TBRG4: variants seen among roughly 807,000 people sequenced by gnomAD.
The protein encoded by TBRG4 is FAST kinase domain-containing protein 4.
TBRG4 carries 43 observed loss-of-function variants against 65.6 expected under a neutral mutation model. The observed-to-expected ratio is 0.66, with a 90% CI of 0.51 to 0.85. TBRG4 has a LOEUF of 0.85. Among genes scored for constraint, TBRG4 ranks in the 40% least tolerant of loss-of-function variants. TBRG4 has a pLI of 0.00. For synonymous variants in TBRG4, 366 were observed against 341.4 expected (o/e 1.07, Z -0.79); for missense variants, 709 against 787.9 (o/e 0.90, Z 1.20).
chr7:45,109,091 G>A lies in TBRG4; in HGVS notation c.147C>T (p.His49=), dbSNP rs1265955690. The change falls in exon 2 of 11, where the codon CAC becomes CAT. Residue 49 remains histidine, a synonymous_variant. Coordinates refer to ENST00000258770, the MANE Select transcript of TBRG4 (RefSeq NM_004749.4). ...LTSSATSPIS[H]LPGSLMEPVE... ...CCGGCTCCATCAAGGAACCTGGGAG[G>A]TGGGAAATGGGTGAGGTGGCTGAGG... is the stretch of plus-strand genomic sequence containing the variant. 1.9e-6 allele frequency: 3 copies of A among 1,614,168 alleles called. No homozygotes were observed. The highest frequency in any genetic ancestry group is 2.5e-6 in the Non-Finnish European group (3 of 1,180,012).
Position 45,100,215 on chromosome 7 carries a change from C to A in TBRG4, c.*110G>T. On this transcript the variant is annotated 3_prime_UTR_variant, in exon 11 of 11. Coordinates refer to ENST00000258770, the MANE Select transcript of TBRG4 (RefSeq NM_004749.4). Reference sequence around the variant, plus strand: ...CCTCAGAGTGGCTGGCCACCCTCCCCACTCTGGCCAAGGTCCTGCACAGAG... The same window carrying A: ...CCTCAGAGTGGCTGGCCACCCTCCCAACTCTGGCCAAGGTCCTGCACAGAG... 1.2e-6 allele frequency: 1 copy of A among 815,574 alleles called. No homozygotes were observed. The highest frequency in any genetic ancestry group is 1.8e-5 in the South Asian group (1 of 56,544). 50.5% of individuals were successfully genotyped at this position (815,574 alleles called of 1,614,324 possible). A position where few individuals can be genotyped will look rare whatever the true frequency, so the allele number is the denominator to read the frequency against.
At position 45,105,575 on chromosome 7, in the gene TBRG4, G is replaced by C. The variant is rs1322538449; in HGVS notation, c.601C>G (p.Gln201Glu). ...CATLSQEQHS[Q>E]ELLAELLTHL... ...GTGAGCAGCTCAGCCAGCAGCTCCT[G>C]CGAGTGCTGCTCCTGTGAGAGGGTG... Residue 201 changes from glutamine to glutamate, a missense_variant, in exon 3 of 11, where the codon CAG becomes GAG. Gln to Glu is a conservative substitution (Grantham distance 29, BLOSUM62 2). Coordinates refer to ENST00000258770, the MANE Select transcript of TBRG4 (RefSeq NM_004749.4). 1 of 1,614,190 alleles carries C rather than the reference G, an allele frequency of 6.2e-7. No homozygotes were observed. The highest frequency in any genetic ancestry group is 2.2e-5 in the East Asian group (1 of 44,886).
rs775272954 is a variant in TBRG4 at position 45,105,605 on chromosome 7, A to G, written c.571T>C (p.Cys191Arg). Reference sequence around the variant, plus strand: ...TGCTGCTCCTGTGAGAGGGTGGCACAGGACTCTGCCAGGAAGGCCAGGTGC... The same window carrying G: ...TGCTGCTCCTGTGAGAGGGTGGCACGGGACTCTGCCAGGAAGGCCAGGTGC... ...YKHLAFLAES[C>R]ATLSQEQHSQ... Residue 191 changes from cysteine (C) to arginine (R), a missense_variant, in exon 3 of 11, where the codon TGT becomes CGT. Coordinates refer to ENST00000258770, the MANE Select transcript of TBRG4 (RefSeq NM_004749.4). 30 of 1,614,050 alleles carry G rather than the reference A, an allele frequency of 1.9e-5. No homozygotes were observed. The highest frequency in any genetic ancestry group is 2.5e-6 in the Non-Finnish European group (3 of 1,180,054).
chr7:45,101,416 C>G, intron 9 of TBRG4, 44 bp from the exon 10 acceptor site: 1 of 1,608,818 alleles, frequency 6.2e-7, no homozygotes, highest in South Asian at 1.1e-5. Context: ...ACTCTCCCAG[C>G]CCCTCGGAGG....
At chr7:45,103,927 T>C (rs568729535) in intron 5 of TBRG4, 172 bp downstream of exon 5, 5 of 919,048 alleles carry the variant, frequency 5.4e-6, no homozygotes, top group South Asian at 5.4e-5. Context: ...TCAAACACTT[T>C]TTTGAGAACT....
Position 45,102,395 on chromosome 7 carries a change from C to T in TBRG4, c.1273G>A (p.Ala425Thr), listed in dbSNP as rs767878939. Residue 425 changes from alanine (A) to threonine (T), a missense_variant, in exon 7 of 11, where the codon GCA (alanine) becomes ACA (threonine). Transcript: ENST00000258770. The part of the protein sequence containing the change: ...ALCVLQQARE[A>T]ELQAVLHPEF... ...GGGTGGAGGACGGCTTGCAGCTCTG[C>T]TTCCCGTGCCTGCTGCAGCACACAC... 1.2e-6 allele frequency: 2 copies of T among 1,613,974 alleles called. No individual in the cohort carries two copies. The highest frequency in any genetic ancestry group is 1.3e-5 in the African/African-American group (1 of 74,936).
In TBRG4 at chr7:45,104,559, A is replaced by G; in HGVS notation, c.886T>C (p.Leu296=). The change falls in exon 4 of 11, where the codon TTG becomes CTG. Residue 296 remains leucine (L), a synonymous_variant. Transcript: ENST00000258770. Reference sequence around the variant, plus strand: ...TCACCATAGGCATAGGCCACGTCCAAGAGCACATCTTTCGTCAGAGAGAAG... The same window carrying G: ...TCACCATAGGCATAGGCCACGTCCAGGAGCACATCTTTCGTCAGAGAGAAG... The part of the protein sequence containing the change: ...KPFSLTKDVL[L]DVAYAYGKLS... 1.2e-6 allele frequency: 2 copies of G among 1,613,962 alleles called. No homozygotes were observed. Among genetic ancestry groups the G allele is most frequent in the Non-Finnish European group, 1.7e-6 (2 of 1,180,008 alleles).
chr7:45,103,330 T>C lies in TBRG4; in HGVS notation c.1176+3A>G. The C allele has an allele frequency of 1.9e-6, 3 of 1,610,674 alleles. No individual in the cohort carries two copies. Among genetic ancestry groups the C allele is most frequent in the Non-Finnish European group, 2.5e-6 (3 of 1,177,996 alleles). On this transcript the variant is annotated splice_donor_region_variant and intron_variant, in intron 6 of 10. Coordinates refer to ENST00000258770, the MANE Select transcript of TBRG4 (RefSeq NM_004749.4). Reference sequence around the variant, plus strand: ...TCGAGCAGTGGGAGCCCAGAGGCCCTACCAGGCTGAAGAACTGATCCTCTT... The same window carrying C: ...TCGAGCAGTGGGAGCCCAGAGGCCCCACCAGGCTGAAGAACTGATCCTCTT...
Position 45,104,618 on chromosome 7 carries a change from A to C in TBRG4, c.827T>G (p.Leu276Arg). The C allele has an allele frequency of 6.2e-7, 1 of 1,613,942 alleles. No individual in the cohort carries two copies. Among genetic ancestry groups the C allele is most frequent in the Non-Finnish European group, 8.5e-7 (1 of 1,180,034 alleles). ...CACCAGGTGGTAGGAGATGGCCCGC[A>C]GCAAGGGCACGGACCGCCGGCTCTG... ...AAQSRRSVPL[L>R]RAISYHLVQK... Residue 276 changes from leucine (L) to arginine (R), a missense_variant, in exon 4 of 11, where the codon CTG (leucine) becomes CGG (arginine). Transcript: ENST00000258770.
In TBRG4 at chr7:45,102,006, CAGGGCAGTGGCGTTGATGTGG is replaced by C; in HGVS notation, c.1365_1385del (p.His456_Leu462del). The C allele has an allele frequency of 1.1e-5, 17 of 1,571,622 alleles. No homozygotes were observed. The highest frequency in any genetic ancestry group is 1.3e-5 in the Non-Finnish European group (15 of 1,162,114). ...GACCCGAGTACTCGGGGTACTCCAG[CAGGGCAGTGGCGTTGATGTGG>C]AGCAGCTTCTGGAAGGTGTTCTGAT... is the stretch of plus-strand genomic sequence containing the variant. On this transcript the variant is annotated inframe_deletion, in exon 8 of 11. Transcript: ENST00000258770.
rs1247672033 is a variant in TBRG4 at position 45,101,378 on chromosome 7, A to G, written c.1680-6T>C. 1 of 1,613,804 alleles carries G rather than the reference A, an allele frequency of 6.2e-7. No homozygotes were observed. The highest frequency in any genetic ancestry group is 1.1e-5 in the South Asian group (1 of 91,068). ...CCCACCGCAAGAACGCTAGCCTGGA[A>G]GGAAGAAGAGGTGGCTGACATGCTT... On this transcript the variant is annotated splice_polypyrimidine_tract_variant and splice_region_variant and intron_variant, in intron 9 of 10. Transcript: ENST00000258770.
rs764187647 is a variant in TBRG4 at position 45,104,550 on chromosome 7, C to G, written c.895G>C (p.Ala299Pro). ...CCAAAGGGCTCACCATAGGCATAGG[C>G]CACGTCCAAGAGCACATCTTTCGTC... Reference protein sequence around the residue: ...SLTKDVLLDVAYAYGKLSFHQ... With the variant: ...SLTKDVLLDVPYAYGKLSFHQ... The change falls in exon 4 of 11, where the codon GCC (alanine) becomes CCC (proline). Residue 299 changes from alanine to proline, a missense_variant. By Grantham distance (27) the Ala-to-Pro change is conservative (BLOSUM62 -1). Coordinates refer to ENST00000258770, the MANE Select transcript of TBRG4 (RefSeq NM_004749.4). The G allele has an allele frequency of 1.2e-6, 2 of 1,613,886 alleles. No individual in the cohort carries two copies. The highest frequency in any genetic ancestry group is 2.7e-5 in the African/African-American group (2 of 74,944).
chr7:45,109,370 A>G (rs1447723622), intron 1 of TBRG4, 83 bp from the exon 2 acceptor site: 1 of 1,126,262 alleles, frequency 8.9e-7, no homozygotes, highest in African/African-American at 1.6e-5. Flanking sequence ...AGTCAAAGCC[A>G]CTCTATCTGT....
intron 6 of TBRG4, chr7:45,102,808 C>T: frequency 2.5e-6 from 1 of 392,682 alleles, no homozygotes; most frequent in Non-Finnish European, 4.6e-6. Flanking sequence ...ATAATGTCTC[C>T]AAGTGAGCAC....
chr7:45,101,732 T>C (rs1784771156), intron 8 of TBRG4, 93 bp downstream of exon 8: 3 of 1,596,870 alleles, frequency 1.9e-6, no homozygotes, highest in African/African-American at 1.3e-5. Flanking sequence ...TGCAGCTCCC[T>C]AGGTCAGTAC....
Position 45,101,952 on chromosome 7 carries a change from AG to A in TBRG4, c.1439del (p.Pro480LeufsTer10). 1 of 1,601,192 alleles carries A rather than the reference AG, an allele frequency of 6.2e-7. No homozygotes were observed. The highest frequency in any genetic ancestry group is 1.1e-5 in the South Asian group (1 of 90,486). ...GPLLPASAVAPGPSALDRKVT... is the reference protein window; with the variant it reads ...GPLLPASAVAXGPSALDRKVT... Reference sequence around the variant, plus strand: ...CCTTCCTGTCAAGGGCTGAGGGCCCAGGGGCCACAGCCGAGGCAGGCAGAAG... The same window carrying A: ...CCTTCCTGTCAAGGGCTGAGGGCCCAGGGCCACAGCCGAGGCAGGCAGAAG... On this transcript the variant is annotated frameshift_variant, in exon 8 of 11. Coordinates refer to ENST00000258770, the MANE Select transcript of TBRG4 (RefSeq NM_004749.4). LOFTEE classifies it high-confidence loss of function.
intron 2 of TBRG4, chr7:45,106,176 C>T (rs1243163825): frequency 4.6e-6 from 2 of 432,130 alleles, no homozygotes; most frequent in Admixed American, 2.7e-5. Flanking sequence ...ATCCTCTAGG[C>T]TACAATAAAT....
At chr7:45,110,191 T>C (rs2128647113) in intron 1 of TBRG4, among the ~76,000 whole-genome samples, 1 of 152,260 alleles carries the variant, frequency 6.6e-6, no homozygotes, top group Non-Finnish European at 1.5e-5. Context: ...TTTTTCTGCC[T>C]CCCAGCAACA....
At chr7:45,110,640 CAAAA>C (rs1312538523) in intron 1 of TBRG4, 4 of 68,516 alleles carry the variant, frequency 5.8e-5, no homozygotes, top group Non-Finnish European at 6.2e-5. Context: ...GACTCTGTCA[CAAAA>C]AAAAAAAAAA....
Sources: gnomAD v4.1 joint callset for allele counts (sites outside exome capture counted in the v4.1 genomes callset) on GRCh38, gnomAD v4.1.1 for gene constraint, MANE v1.5 for transcripts, NCBI Gene and HGNC (gene_info 2026-07-23, HGNC 2026-07-21) for gene names.